CEP85L: variants seen among roughly 807,000 people sequenced by gnomAD.
CEP85L encodes the protein centrosomal protein 85L.
CEP85L carries 60 observed loss-of-function variants against 100.3 expected under a neutral mutation model. The observed-to-expected ratio is 0.60, with a 90% CI of 0.49 to 0.74. The LOEUF is 0.74. Among genes scored for constraint, CEP85L ranks in the 30% least tolerant of loss-of-function variants. The pLI is 0.00. For synonymous variants in CEP85L, 319 were observed against 322.7 expected (o/e 0.99, Z 0.12); for missense variants, 973 against 936.2 (o/e 1.04, Z -0.51).
At chr6:118,526,259 T>G (rs1276986184) in intron 3 of CEP85L, among the ~76,000 whole-genome samples, 1 of 152,274 alleles carries the variant, frequency 6.6e-6, no homozygotes, top group South Asian at 2.1e-4. Context: ...TTCACTGTGG[T>G]TGGTAACTAA....
chr6:118,583,619 C>A (rs1780698474), intron 2 of CEP85L, among the ~76,000 whole-genome samples: 1 of 152,178 alleles, frequency 6.6e-6, no homozygotes, highest in African/African-American at 2.4e-5. Context: ...TGAGCTATAA[C>A]CACTACGCCA....
chr6:118,502,506 G>A (rs1159977759), intron 5 of CEP85L: 1 of 505,660 alleles, frequency 2.0e-6, no homozygotes, highest in African/African-American at 1.9e-5. Context: ...TACACAAGTA[G>A]AGCCAGCAGG....
At chr6:118,689,976 A>T (rs1453704919) in intron 1 of CEP85L, among the ~76,000 whole-genome samples, 1 of 148,756 alleles carries the variant, frequency 6.7e-6, no homozygotes, top group Admixed American at 6.7e-5. Flanking sequence ...CTGGTCTGGA[A>T]CTCCTGGCCT....
At chr6:118,589,227 G>C (rs764069967) in intron 2 of CEP85L, 3 of 225,100 alleles carry the variant, frequency 1.3e-5, no homozygotes, top group African/African-American at 2.3e-5. Context: ...TATATGAAGA[G>C]AAACTATGAG....
intron 1 of CEP85L, among the ~76,000 whole-genome samples, chr6:118,669,048 T>C (rs1776216335): frequency 6.6e-6 from 1 of 152,168 alleles, no homozygotes; most frequent in African/African-American, 2.4e-5. Context: ...AAGACATTGA[T>C]AACAAAAACT....
chr6:118,499,848 C>T (rs973081232), intron 5 of CEP85L, among the ~76,000 whole-genome samples: 1 of 152,108 alleles, frequency 6.6e-6, no homozygotes, highest in African/African-American at 2.4e-5. Flanking sequence ...TCCCCTCTCA[C>T]TACTGCTTTT....
chr6:118,586,983 G>A (rs948994597), intron 2 of CEP85L, among the ~76,000 whole-genome samples: 2 of 152,178 alleles, frequency 1.3e-5, no homozygotes, highest in African/African-American at 4.8e-5. Context: ...AAGTAAACAT[G>A]AGCATTTTAC....
intron 2 of CEP85L, among the ~76,000 whole-genome samples, chr6:118,616,535 C>T (rs1411109895): frequency 7.4e-6 from 1 of 135,348 alleles, no homozygotes; most frequent in Non-Finnish European, 1.6e-5. Flanking sequence ...ATCTTCAAAA[C>T]AATGAAAAAA....
chr6:118,513,474 T>C (rs1183883160), intron 4 of CEP85L, among the ~76,000 whole-genome samples: 2 of 152,132 alleles, frequency 1.3e-5, no homozygotes, highest in East Asian at 3.8e-4. Flanking sequence ...GATAAATCCA[T>C]TCAAGGAGAC....
chr6:118,577,806 C>T (rs763385426), intron 2 of CEP85L, among the ~76,000 whole-genome samples: 24 of 152,248 alleles, frequency 1.6e-4, no homozygotes, highest in African/African-American at 5.8e-4. Flanking sequence ...TCTAGTCTCA[C>T]GGAAAAATGG....
intron 12 of CEP85L, among the ~76,000 whole-genome samples, chr6:118,466,444 A>G (rs890188862): frequency 6.6e-6 from 1 of 152,178 alleles, no homozygotes; most frequent in Non-Finnish European, 1.5e-5. Flanking sequence ...TCATAAACAA[A>G]TGAACACAGT....
chr6:118,542,900 C>CAAAAAAAAAAAAAAAAAAAAAAA lies in CEP85L; in HGVS notation c.1021-19003_1021-18981dup, dbSNP rs71012391. On this transcript the variant is annotated intron_variant, in intron 3 of 12. Transcript: ENST00000368491. ...GAACTTCAACATCACCAAGTTTTCC[C>CAAAAAAAAAAAAAAAAAAAAAAA]AAAAAAAAAAAAAAAAAAAAAAACA... 6.4e-4 allele frequency among the ~76,000 whole-genome samples: 43 copies of CAAAAAAAAAAAAAAAAAAAAAAA among 67,148 alleles called. 3 individuals are homozygous for CAAAAAAAAAAAAAAAAAAAAAAA. The highest frequency in any genetic ancestry group is 8.2e-4 in the African/African-American group (15 of 18,230). The allele number at this position is 67,148 out of a possible 152,430, so 44.1% of individuals were successfully genotyped here. A position where few individuals can be genotyped will look rare whatever the true frequency, so the allele number is the denominator to read the frequency against.
intron 1 of CEP85L, among the ~76,000 whole-genome samples, chr6:118,639,745 A>C (rs369784014): frequency 5.3e-5 from 8 of 152,364 alleles, no homozygotes; most frequent in African/African-American, 1.9e-4. Flanking sequence ...CTGCACACTT[A>C]TACAGGGTCT....
rs1772391530 is a variant in CEP85L at position 118,464,633 on chromosome 6, T to C, written c.*772A>G. On this transcript the variant is annotated 3_prime_UTR_variant, in exon 13 of 13. Coordinates refer to ENST00000368491, the MANE Select transcript of CEP85L (RefSeq NM_001042475.3). ...CATATAAATAAAAAATTGTAAATAG[T>C]AAGGAACATGTTAAAATTAGTTCAA... 6.6e-6 allele frequency: 1 copy of C among 151,942 alleles called. No individual in the cohort carries two copies. Among genetic ancestry groups the C allele is most frequent in the African/African-American group, 2.4e-5 (1 of 41,396 alleles). 9.4% of individuals were successfully genotyped at this position (151,942 alleles called of 1,614,324 possible).
intron 2 of CEP85L, among the ~76,000 whole-genome samples, chr6:118,599,322 T>C (rs1057120985): frequency 6.6e-6 from 1 of 152,176 alleles, no homozygotes; most frequent in African/African-American, 2.4e-5. Flanking sequence ...CATGTCAAAG[T>C]GTCACCAGAA....
intron 5 of CEP85L, among the ~76,000 whole-genome samples, chr6:118,500,925 C>A (rs1218711841): frequency 6.6e-6 from 1 of 152,234 alleles, no homozygotes; most frequent in African/African-American, 2.4e-5. Context: ...GGGCATGACA[C>A]TGGAAGTCTT....
chr6:118,613,579 A>G (rs1454132964), intron 2 of CEP85L, among the ~76,000 whole-genome samples: 2 of 151,908 alleles, frequency 1.3e-5, no homozygotes, highest in Non-Finnish European at 2.9e-5. Context: ...CAACATGGCA[A>G]AATCCTCTCT....
In CEP85L at chr6:118,480,531, T is replaced by A; in HGVS notation, c.1746-18A>T. 1 of 1,472,154 alleles carries A rather than the reference T, an allele frequency of 6.8e-7. No individual in the cohort carries two copies. Among genetic ancestry groups the A allele is most frequent in the African/African-American group, 1.4e-5 (1 of 71,842 alleles). 91.2% of individuals were successfully genotyped at this position (1,472,154 alleles called of 1,614,324 possible). On this transcript the variant is annotated intron_variant, in intron 8 of 12. Coordinates refer to ENST00000368491, the MANE Select transcript of CEP85L (RefSeq NM_001042475.3). Reference sequence around the variant, plus strand: ...GTTGCAAACTATTTCAAAAGACAATTATATGAAGAAAATAAGCTCTATTTG... The same window carrying A: ...GTTGCAAACTATTTCAAAAGACAATAATATGAAGAAAATAAGCTCTATTTG...
At chr6:118,544,958 A>T (rs2114898179) in intron 3 of CEP85L, among the ~76,000 whole-genome samples, 1 of 152,264 alleles carries the variant, frequency 6.6e-6, no homozygotes, top group African/African-American at 2.4e-5. Flanking sequence ...CGTAGCTTTA[A>T]AATTTAAGGC....
Sources: allele counts gnomAD v4.1 joint callset (sites outside exome capture counted in the v4.1 genomes callset), GRCh38; gene constraint gnomAD v4.1.1; transcripts MANE v1.5; gene names NCBI Gene and HGNC (gene_info 2026-07-23, HGNC 2026-07-21).